KIF25: variants seen among roughly 807,000 people sequenced by gnomAD.
KIF25 encodes kinesin family member 25.
A neutral mutation model predicts 32.9 loss-of-function variants in KIF25; 19 were observed. The observed-to-expected ratio is 0.58, with a 90% CI of 0.40 to 0.85. The LOEUF (loss-of-function observed/expected upper bound fraction) is 0.85. KIF25 is among the 40% of genes least tolerant of loss of function. KIF25 has a pLI of 0.00. For synonymous variants in KIF25, 225 were observed against 213.7 expected, an observed-to-expected ratio of 1.05 and a Z score of -0.46; for missense variants, 485 against 507.0, an observed-to-expected ratio of 0.96 and a Z score of 0.42.
chr6:168,029,727 A>G (rs1315894672), intron 6 of KIF25, 50 bp downstream of exon 6: 5 of 1,573,934 alleles, frequency 3.2e-6, no homozygotes, highest in Non-Finnish European at 4.3e-6. Flanking sequence ...GAGCCGGGTG[A>G]TGTGCACATG....
chr6:167,999,583 G>A (rs909648998), intron 2 of KIF25, among the ~76,000 whole-genome samples: 21 of 152,300 alleles, frequency 1.4e-4, no homozygotes, highest in African/African-American at 3.6e-4. Flanking sequence ...CTGAGAGGGC[G>A]TCCGTCTTTT....
At position 168,038,551 on chromosome 6, in the gene KIF25, A is replaced by G. The variant is rs759742921; in HGVS notation, c.318-2A>G. 1.9e-6 allele frequency: 3 copies of G among 1,613,860 alleles called. No individual in the cohort carries two copies. Among genetic ancestry groups the G allele is most frequent in the South Asian group, 1.1e-5 (1 of 91,076 alleles). ...AAGTTTCTCTTGTGTGTTTTCCCGC[A>G]GGCTCATTTTGGAAAATACCTCAAG... On this transcript the variant is annotated splice_acceptor_variant, in intron 8 of 12. Transcript: ENST00000643607. LOFTEE classifies it high-confidence loss of function.
chr6:168,012,510 T>C (rs1205368590), intron 4 of KIF25, among the ~76,000 whole-genome samples: 2 of 152,220 alleles, frequency 1.3e-5, no homozygotes, highest in African/African-American at 2.4e-5. Context: ...TCTCAGGCTA[T>C]ATCTCGGGTT....
chr6:168,032,136 G>A (rs1289671518), intron 7 of KIF25, among the ~76,000 whole-genome samples: 1 of 152,196 alleles, frequency 6.6e-6, no homozygotes, highest in African/African-American at 2.4e-5. Context: ...GATCTGTGTC[G>A]ATATTAAGGC....
At position 168,035,526 on chromosome 6, in the gene KIF25, G is replaced by A. The variant is rs537798826; in HGVS notation, c.317+1495G>A. Among the ~76,000 whole-genome samples the A allele has an allele frequency of 2.1e-3, 180 of 85,658 alleles. 4 individuals carry two copies. In the East Asian group the frequency reaches 0.062, roughly 30 times the overall value. 56.2% of individuals were successfully genotyped at this position (85,658 alleles called of 152,430 possible). ...GCCCTGCGGAGGAGGCGGGAACTGA[G>A]CTGAGGCAGCACTGGGAAGAGCTGT... is the stretch of plus-strand genomic sequence containing the variant. On this transcript the variant is annotated intron_variant, in intron 8 of 12. Coordinates refer to ENST00000643607, the MANE Select transcript of KIF25 (RefSeq NM_030615.4).
At chr6:168,022,177 C>T (rs987032043) in intron 5 of KIF25, among the ~76,000 whole-genome samples, 1 of 152,294 alleles carries the variant, frequency 6.6e-6, no homozygotes, top group Non-Finnish European at 1.5e-5. Context: ...CCATCTGTGT[C>T]TCTACCATTA....
At position 168,002,535 on chromosome 6, in the gene KIF25, T is replaced by C. The variant is rs1225801106; in HGVS notation, c.-369-8T>C. On this transcript the variant is annotated splice_polypyrimidine_tract_variant and splice_region_variant and intron_variant, in intron 2 of 12. Transcript: ENST00000643607. ...CTTTTGGTTTTGAAACATGTTGCAT[T>C]TTTTCAGATTCATGATGGCTTGCAG... 6.6e-6 allele frequency: 1 copy of C among 152,234 alleles called. No homozygotes were observed. The highest frequency in any genetic ancestry group is 6.5e-5 in the Admixed American group (1 of 15,282). The allele number at this position is 152,234 out of a possible 1,614,324, so 9.4% of individuals were successfully genotyped here.
intron 2 of KIF25, among the ~76,000 whole-genome samples, chr6:168,000,880 A>G (rs1028786829): frequency 6.6e-6 from 1 of 152,194 alleles, no homozygotes; most frequent in African/African-American, 2.4e-5. Context: ...CTTTCCCTGG[A>G]GGGCCTGGCT....
chr6:168,041,665 T>G (rs977153495), intron 10 of KIF25, among the ~76,000 whole-genome samples: 9 of 152,218 alleles, frequency 5.9e-5, no homozygotes, highest in African/African-American at 2.2e-4. Context: ...GCTCATAGAT[T>G]TTCTGAGTGG....
chr6:168,012,552 C>A (rs1042807069), intron 4 of KIF25, among the ~76,000 whole-genome samples: 2 of 152,176 alleles, frequency 1.3e-5, no homozygotes, highest in Non-Finnish European at 2.9e-5. Context: ...GTAGGTCACC[C>A]AACATGGGGT....
Position 168,040,252 on chromosome 6 carries a change from A to G in KIF25, c.646+36A>G, listed in dbSNP as rs371209333. 58 of 1,582,002 alleles carry G rather than the reference A, an allele frequency of 3.7e-5. 1 individual carries two copies. The African/African-American group carries it at 7.8e-4, about 21-fold the overall frequency. The stretch of plus-strand genomic sequence containing the variant: ...ATTTGTGCTTGGTCAGTGGCAAGTA[A>G]TAGAAAAACCCACTTAAGAAGAAAA... On this transcript the variant is annotated intron_variant, in intron 10 of 12. Transcript: ENST00000643607.
chr6:168,025,349 G>GTGT (rs1798845494), intron 5 of KIF25, among the ~76,000 whole-genome samples: 1 of 152,192 alleles, frequency 6.6e-6, no homozygotes, highest in Non-Finnish European at 1.5e-5. Flanking sequence ...TCTTGGAATA[G>GTGT]TGTTTGGCAC....
rs41266303 is a variant in KIF25 at position 168,035,915 on chromosome 6, G to A, written c.317+1884G>A. 7.4e-3 allele frequency: 2,910 copies of A among 393,096 alleles called. 18 individuals carry two copies. The highest frequency in any genetic ancestry group is 0.011 in the Non-Finnish European group (2,109 of 189,136). The allele number at this position is 393,096 out of a possible 1,614,324, so 24.4% of individuals were successfully genotyped here. ...GTCCTCCCTCATCACATCCACACAC[G>A]ACCTGGAGAGGGGTGCACTGGGCCA... On this transcript the variant is annotated intron_variant, in intron 8 of 12. Coordinates refer to ENST00000643607, the MANE Select transcript of KIF25 (RefSeq NM_030615.4).
chr6:168,000,563 C>A (rs1798486235), intron 2 of KIF25, among the ~76,000 whole-genome samples: 1 of 142,730 alleles, frequency 7.0e-6, no homozygotes, highest in Non-Finnish European at 1.5e-5. Flanking sequence ...CACACCTGAC[C>A]CTCCCCACTC....
chr6:168,030,934 A>T lies in KIF25; in HGVS notation c.167+87A>T, dbSNP rs1460987378. 4 of 1,096,474 alleles carry T rather than the reference A, an allele frequency of 3.6e-6. No individual in the cohort carries two copies. In the East Asian group the frequency reaches 9.8e-5, roughly 27 times the overall value. The allele number at this position is 1,096,474 out of a possible 1,614,324, so 67.9% of individuals were successfully genotyped here. A position where few individuals can be genotyped will look rare whatever the true frequency, so the allele number is the denominator to read the frequency against. On this transcript the variant is annotated intron_variant, in intron 7 of 12. Coordinates refer to ENST00000643607, the MANE Select transcript of KIF25 (RefSeq NM_030615.4). ...CTGTGCTGTGGAGTGAGAATGTAGC[A>T]TTAGAGTCTGAGCATTCTACAGCAC...
In KIF25 at chr6:168,006,514, G is replaced by T. The variant is rs549829944; in HGVS notation, c.-163+2811G>T. On this transcript the variant is annotated intron_variant, in intron 4 of 12. Transcript: ENST00000643607. ...GGATATTCCACACTTGTGGCACCGG[G>T]CGATTGCACCTGAGGACGTCTTGTG... Among the ~76,000 whole-genome samples the T allele has an allele frequency of 1.7e-4, 26 of 152,270 alleles. No homozygotes were observed. In the South Asian group the frequency reaches 3.7e-3, roughly 22 times the overall value.
chr6:168,009,300 AAAAG>A (rs1798617486), intron 4 of KIF25, among the ~76,000 whole-genome samples: 1 of 151,630 alleles, frequency 6.6e-6, no homozygotes, highest in African/African-American at 2.4e-5. Flanking sequence ...GAATATTTTG[AAAAG>A]CTTTTTCTGC....
chr6:168,029,711 G>A (rs1798914112), intron 6 of KIF25, 34 bp downstream of exon 6: 2 of 1,592,446 alleles, frequency 1.3e-6, no homozygotes, highest in Non-Finnish European at 1.7e-6. Context: ...GCCAGGCCTG[G>A]GTCTGGAGCC....
At chr6:168,018,823 G>A (rs1224041923) in intron 5 of KIF25, among the ~76,000 whole-genome samples, 1 of 152,158 alleles carries the variant, frequency 6.6e-6, no homozygotes, top group Non-Finnish European at 1.5e-5. Flanking sequence ...TCCTCTCCCC[G>A]GCAGCAGCCT....
Sources: allele counts gnomAD v4.1 joint callset (sites outside exome capture counted in the v4.1 genomes callset), GRCh38; gene constraint gnomAD v4.1.1; transcripts MANE v1.5; gene names NCBI Gene and HGNC (gene_info 2026-07-23, HGNC 2026-07-21).